Variants in DSCAM observed in about 807,000 individuals in gnomAD.
DSCAM encodes the protein cell adhesion molecule DSCAM.
In DSCAM, 47 loss-of-function variants were observed where a neutral mutation model predicts 217.7. That is an observed-to-expected ratio of 0.22 (90% CI 0.17 to 0.28). The LOEUF (loss-of-function observed/expected upper bound fraction) is 0.28, where lower values mean the gene tolerates loss of function less well. Ranked by LOEUF, DSCAM falls within the 10% of genes least tolerant of loss-of-function variation. The pLI, the probability that DSCAM is intolerant of heterozygous loss-of-function variation, is 1.00. For missense variants in DSCAM, 2,080 were observed against 2,618.3 expected (o/e 0.79, Z 4.49); for synonymous variants, 1,056 against 1,015.3 (o/e 1.04, Z -0.76).
At chr21:40,098,673 C>T (rs2089712916) in intron 20 of DSCAM, among the ~76,000 whole-genome samples, 1 of 152,206 alleles carries the variant, frequency 6.6e-6, no homozygotes, top group African/African-American at 2.4e-5. Flanking sequence ...TTTAAATCTT[C>T]ACTATATCTC....
At chr21:40,371,967 C>A (rs1352835627) in intron 3 of DSCAM, among the ~76,000 whole-genome samples, 2 of 152,126 alleles carry the variant, frequency 1.3e-5, no homozygotes, top group African/African-American at 4.8e-5. Context: ...CTCAATTTAT[C>A]TCATCTTGAA....
chr21:40,531,521 C>T (rs907077866), intron 3 of DSCAM, among the ~76,000 whole-genome samples: 1 of 152,280 alleles, frequency 6.6e-6, no homozygotes, highest in African/African-American at 2.4e-5. Flanking sequence ...ACCACTGGGC[C>T]CAGCTCCCGG....
At chr21:40,140,338 A>AT (rs1357781790) in intron 18 of DSCAM, among the ~76,000 whole-genome samples, 3 of 152,182 alleles carry the variant, frequency 2.0e-5, no homozygotes, top group African/African-American at 7.2e-5. Flanking sequence ...ACTCCCAAGC[A>AT]TTTCTTTGTT....
chr21:40,140,516 A>G (rs1160884112), intron 18 of DSCAM, among the ~76,000 whole-genome samples: 2 of 152,198 alleles, frequency 1.3e-5, no homozygotes, highest in Non-Finnish European at 2.9e-5. Flanking sequence ...AAATATTTCC[A>G]ATAAGAACAG....
chr21:40,050,028 G>A (rs1039850958), intron 30 of DSCAM, among the ~76,000 whole-genome samples: 9 of 152,194 alleles, frequency 5.9e-5, no homozygotes, highest in South Asian at 2.1e-4. Context: ...CTGATGTGCC[G>A]GAGGGGTCCT....
At chr21:40,501,811 G>A (rs1385132539) in intron 3 of DSCAM, among the ~76,000 whole-genome samples, 1 of 152,062 alleles carries the variant, frequency 6.6e-6, no homozygotes, top group African/African-American at 2.4e-5. Context: ...AGGCTGGTCC[G>A]GAACTCCCGA....
intron 3 of DSCAM, among the ~76,000 whole-genome samples, chr21:40,490,352 A>T (rs1426087551): frequency 3.3e-5 from 5 of 152,202 alleles, no homozygotes; most frequent in African/African-American, 1.2e-4. Context: ...ATTTTTTTAA[A>T]AAAATGGAAT....
chr21:40,472,067 G>GA (rs1243287043), intron 3 of DSCAM, among the ~76,000 whole-genome samples: 1 of 152,160 alleles, frequency 6.6e-6, no homozygotes, highest in African/African-American at 2.4e-5. Flanking sequence ...CCAAAACAGA[G>GA]ATATAGACCA....
intron 16 of DSCAM, among the ~76,000 whole-genome samples, chr21:40,157,262 C>T (rs2090488486): frequency 6.6e-6 from 1 of 152,198 alleles, no homozygotes; most frequent in Non-Finnish European, 1.5e-5. Context: ...ACCGAGACTG[C>T]AGGGCCTACA....
rs2088157910 is a variant in DSCAM at position 40,016,384 on chromosome 21, TGA to T, written c.5687-3000_5687-2999del. 6.6e-6 allele frequency among the ~76,000 whole-genome samples: 1 copy of T among 152,136 alleles called. No homozygotes were observed. ...GGTGTATAGGGGAAAGATCGTACTT[TGA>T]TGACAAAAGATGAAGGGTTTAGTTT... On this transcript the variant is annotated intron_variant, in intron 32 of 32. Transcript: ENST00000400454. This position sits in a 1 kb window ranked among gnomAD's most constrained non-coding sequence, Gnocchi z 4.3.
At chr21:40,348,337 G>C (rs1364336715) in intron 5 of DSCAM, among the ~76,000 whole-genome samples, 4,286 of 114,134 alleles carry the variant, frequency 0.038, no homozygotes, top group Middle Eastern at 0.051. Context: ...CATACATTTT[G>C]TATCAGCCAC....
rs78510810 is a variant in DSCAM, at chr21:40,370,599, T to A, written c.509-1354A>T. Among the ~76,000 whole-genome samples, 1,429 of 151,600 alleles carry A rather than the reference T, an allele frequency of 9.4e-3. 25 individuals are homozygous for A. Among genetic ancestry groups the A allele is most frequent in the African/African-American group, 0.032 (1,331 of 41,170 alleles). ...AACTACACATCATGCATAGGTCAGT[T>A]TCTCAGATAAATTAAAAATGGTTTA... On this transcript the variant is annotated intron_variant, in intron 3 of 32. Coordinates refer to ENST00000400454, the MANE Select transcript of DSCAM (RefSeq NM_001389.5).
chr21:40,725,779 G>C (rs932794101), intron 1 of DSCAM, among the ~76,000 whole-genome samples: 1 of 152,132 alleles, frequency 6.6e-6, no homozygotes, highest in Non-Finnish European at 1.5e-5. Flanking sequence ...GAGACCAAGG[G>C]CCTGCCTTTT....
chr21:40,350,418 C>T (rs1345951817), intron 5 of DSCAM, among the ~76,000 whole-genome samples: 1 of 151,924 alleles, frequency 6.6e-6, no homozygotes, highest in Non-Finnish European at 1.5e-5. Context: ...CCAGAGTCTA[C>T]AAGGAACTTA....
chr21:40,561,307 AG>A (rs1463439408), intron 3 of DSCAM, among the ~76,000 whole-genome samples: 1 of 152,216 alleles, frequency 6.6e-6, no homozygotes, highest in East Asian at 1.9e-4. Context: ...CTTACCCTAC[AG>A]TCAACAGTTC....
At chr21:40,169,922 C>T (rs1048029220) in intron 15 of DSCAM, among the ~76,000 whole-genome samples, 1 of 152,108 alleles carries the variant, frequency 6.6e-6, no homozygotes, top group Non-Finnish European at 1.5e-5. Context: ...ACTCCCACCC[C>T]ACTTCTATGC....
intron 1 of DSCAM, among the ~76,000 whole-genome samples, chr21:40,764,967 A>G (rs1380680199): frequency 6.6e-6 from 1 of 152,184 alleles, no homozygotes; most frequent in Admixed American, 6.5e-5. Context: ...GAGGGCAAGG[A>G]GAGGGAGAGC....
At chr21:40,294,199 AAGAC>A (rs1432765367) in intron 10 of DSCAM, among the ~76,000 whole-genome samples, 3 of 152,238 alleles carry the variant, frequency 2.0e-5, no homozygotes, top group Non-Finnish European at 2.9e-5. Context: ...AGTAACATCC[AAGAC>A]AGACAAAGTA....
chr21:40,767,499 A>T (rs1235707362), intron 1 of DSCAM, among the ~76,000 whole-genome samples: 4 of 152,130 alleles, frequency 2.6e-5, no homozygotes, highest in Non-Finnish European at 5.9e-5. Context: ...TAGCGTGAGA[A>T]AGTTGACCTT....
Sources: allele counts gnomAD v4.1 joint callset (sites outside exome capture counted in the v4.1 genomes callset), GRCh38; gene constraint gnomAD v4.1.1; non-coding constraint Gnocchi (gnomAD v3.1); transcripts MANE v1.5; gene names NCBI Gene and HGNC (gene_info 2026-07-23, HGNC 2026-07-21).